Variants in PPA2 observed in about 807,000 individuals in gnomAD.
The protein encoded by PPA2 is inorganic pyrophosphatase 2, mitochondrial.
In PPA2, 48 loss-of-function variants were observed where a neutral mutation model predicts 49.5. That is an observed-to-expected ratio of 0.97 (90% confidence interval 0.77 to 1.23). The LOEUF (loss-of-function observed/expected upper bound fraction) is 1.23. PPA2 is among the 50% of genes most tolerant of loss of function. The probability of loss-of-function intolerance (pLI) is 0.00; values close to 1 mark genes in which losing one functional copy is unlikely to be tolerated. For missense variants in PPA2, 429 were observed against 410.1 expected, an observed-to-expected ratio of 1.05 and a Z score of -0.40; for synonymous variants, 131 against 139.9, an observed-to-expected ratio of 0.94 and a Z score of 0.45.
intron 7 of PPA2, among the ~76,000 whole-genome samples, chr4:105,402,269 T>A (rs952957263): frequency 4.0e-5 from 6 of 150,870 alleles, no homozygotes; most frequent in Admixed American, 3.3e-4. Flanking sequence ...AAAAAAAAAA[T>A]TAGGCCTGGG....
At chr4:105,391,210 A>T (rs1276420126) in intron 9 of PPA2, among the ~76,000 whole-genome samples, 1 of 151,984 alleles carries the variant, frequency 6.6e-6, no homozygotes, top group African/African-American at 2.4e-5. Context: ...GGAGATTATT[A>T]GGACAAATGG....
intron 9 of PPA2, among the ~76,000 whole-genome samples, chr4:105,391,996 A>ATG (rs1733941276): frequency 6.6e-6 from 1 of 151,818 alleles, no homozygotes; most frequent in Non-Finnish European, 1.5e-5. Context: ...AACTTGAAAA[A>ATG]TATGTAAGAC....
chr4:105,457,049 A>T (rs1722901631), intron 1 of PPA2, among the ~76,000 whole-genome samples: 1 of 152,220 alleles, frequency 6.6e-6, no homozygotes, highest in African/African-American at 2.4e-5. Context: ...TATTAAAAAA[A>T]AAAACATCAC....
chr4:105,382,909 GA>G (rs1388990857), intron 10 of PPA2, among the ~76,000 whole-genome samples: 1 of 152,100 alleles, frequency 6.6e-6, no homozygotes, highest in African/African-American at 2.4e-5. Context: ...GATGAGGTGG[GA>G]GGATCAATTG....
At chr4:105,370,979 A>G (rs1578786760) in intron 10 of PPA2, 106 bp from the exon 11 acceptor site, 8 of 1,060,916 alleles carry the variant, frequency 7.5e-6, no homozygotes, top group Non-Finnish European at 1.0e-5. Context: ...TTTACACACA[A>G]TGGATCTCTA....
At chr4:105,456,648 C>A (rs757793928) in intron 2 of PPA2, 33 bp downstream of exon 2, 38 of 1,520,462 alleles carry the variant, frequency 2.5e-5, no homozygotes, top group Non-Finnish European at 3.3e-5. Flanking sequence ...TGGCAGTACA[C>A]GTTTTCATTC....
chr4:105,427,676 C>T (rs182792751), intron 6 of PPA2, among the ~76,000 whole-genome samples: 1 of 152,192 alleles, frequency 6.6e-6, no homozygotes, highest in Admixed American at 6.5e-5. Flanking sequence ...AGGAACAAAG[C>T]CTCCAAGAAA....
chr4:105,471,433 G>T (rs1723519128), intron 1 of PPA2, among the ~76,000 whole-genome samples: 1 of 152,084 alleles, frequency 6.6e-6, no homozygotes, highest in South Asian at 2.1e-4. Context: ...ACCATTTACA[G>T]ACATGAAGCT....
intron 1 of PPA2, 116 bp downstream of exon 1, chr4:105,473,778 G>T: frequency 6.9e-7 from 1 of 1,442,478 alleles, no homozygotes; most frequent in Non-Finnish European, 9.6e-7. Flanking sequence ...GGCTACCGCT[G>T]AGGGCCCCAA....
chr4:105,418,409 TTG>T (rs897211980), intron 7 of PPA2, among the ~76,000 whole-genome samples: 2 of 152,342 alleles, frequency 1.3e-5, no homozygotes, highest in African/African-American at 4.8e-5. Context: ...GCCAAATAGA[TTG>T]TGTCTCAACA....
chr4:105,452,435 T>C (rs1476209787), intron 3 of PPA2, among the ~76,000 whole-genome samples: 1 of 152,192 alleles, frequency 6.6e-6, no homozygotes, highest in African/African-American at 2.4e-5. Flanking sequence ...ACTTGTGAAA[T>C]ACCTAGATTA....
chr4:105,443,354 G>A (rs186094220), intron 5 of PPA2, among the ~76,000 whole-genome samples: 41 of 150,910 alleles, frequency 2.7e-4, no homozygotes, highest in Admixed American at 2.6e-3. Context: ...AAGGCAGAAG[G>A]AGAGTTGGAG....
In PPA2 at chr4:105,398,888, T is replaced by G. The variant is rs939314521; in HGVS notation, c.783+149A>C. The G allele has an allele frequency of 1.4e-5, 9 of 661,402 alleles. No homozygotes were observed. The African/African-American group carries it at 1.5e-4, about 11-fold the overall frequency. 41.0% of individuals were successfully genotyped at this position (661,402 alleles called of 1,614,324 possible). ...ATCTTCTGAAACAGAATTTAAATAA[T>G]AAAATAATGTTTTTAAATATGTAAG... is the stretch of plus-strand genomic sequence containing the variant. On this transcript the variant is annotated intron_variant, in intron 8 of 11. Transcript: ENST00000341695.
At chr4:105,426,996 G>A (rs1266218975) in intron 6 of PPA2, among the ~76,000 whole-genome samples, 1 of 152,118 alleles carries the variant, frequency 6.6e-6, no homozygotes, top group African/African-American at 2.4e-5. Context: ...CCTCTGGGAC[G>A]AAGTTTCAGG....
At chr4:105,373,766 TACACACAC>T (rs36109695) in intron 10 of PPA2, among the ~76,000 whole-genome samples, 3 of 148,388 alleles carry the variant, frequency 2.0e-5, no homozygotes, top group South Asian at 2.2e-4. Context: ...TATATTTAAA[TACACACAC>T]ACACACACAC....
At chr4:105,398,924 G>C in intron 8 of PPA2, 113 bp downstream of exon 8, 1 of 1,059,196 alleles carries the variant, frequency 9.4e-7, no homozygotes, top group Non-Finnish European at 1.3e-6. Context: ...TTAGTAAAAA[G>C]CACTTTTTTA....
Position 105,414,343 on chromosome 4 carries a change from G to A in PPA2, c.655+9853C>T, listed in dbSNP as rs545058598. Among the ~76,000 whole-genome samples, 33 of 152,294 alleles carry A rather than the reference G, an allele frequency of 2.2e-4. 1 individual carries two copies. In the South Asian group the frequency reaches 6.6e-3, roughly 31 times the overall value. ...GTCGCTTTTCCAGCTGGAAACCTCT[G>A]TGGCCAGTGGCGCCTTTTCCCGAGT... On this transcript the variant is annotated intron_variant, in intron 7 of 11. Transcript: ENST00000341695.
chr4:105,444,101 T>C (rs1724498476), intron 5 of PPA2, among the ~76,000 whole-genome samples: 1 of 152,234 alleles, frequency 6.6e-6, no homozygotes, highest in Admixed American at 6.5e-5. Context: ...TTTTTATCAC[T>C]GCTTTACCTG....
At chr4:105,429,848 C>G (rs976639103) in intron 6 of PPA2, among the ~76,000 whole-genome samples, 2 of 151,938 alleles carry the variant, frequency 1.3e-5, no homozygotes, top group Admixed American at 6.6e-5. Flanking sequence ...TAGAGTAAAG[C>G]CTTAAGAAAA....
Sources: allele counts gnomAD v4.1 joint callset (sites outside exome capture counted in the v4.1 genomes callset), GRCh38; gene constraint gnomAD v4.1.1; transcripts MANE v1.5; gene names NCBI Gene and HGNC (gene_info 2026-07-23, HGNC 2026-07-21).